Variants in LRBA observed in about 807,000 individuals in gnomAD.
LRBA encodes lipopolysaccharide-responsive and beige-like anchor protein.
LRBA carries 176 observed loss-of-function variants against 330.0 expected under a neutral mutation model. The ratio of observed to expected loss-of-function variants is 0.53; its 90% CI spans 0.47 to 0.60. The LOEUF is 0.60. Among genes scored for constraint, LRBA ranks in the 20% least tolerant of loss-of-function variants. LRBA has a pLI of 0.00. For missense variants in LRBA, 3,259 were observed against 3,444.8 expected (o/e 0.95, Z 1.35); for synonymous variants, 1,230 against 1,193.0 (o/e 1.03, Z -0.64).
intron 37 of LRBA, among the ~76,000 whole-genome samples, chr4:150,653,725 T>C (rs757797852): frequency 6.6e-6 from 1 of 152,240 alleles, no homozygotes; most frequent in African/African-American, 2.4e-5. Context: ...GGGTTTTCGC[T>C]TCTCGATTTT....
intron 47 of LRBA, among the ~76,000 whole-genome samples, chr4:150,384,376 A>C (rs1211771258): frequency 2.6e-5 from 4 of 152,134 alleles, no homozygotes; most frequent in Non-Finnish European, 5.9e-5. Flanking sequence ...AGGTTGTGAA[A>C]CTGATAAATA....
intron 17 of LRBA, among the ~76,000 whole-genome samples, chr4:150,874,108 GT>G (rs986948806): frequency 6.6e-6 from 1 of 152,034 alleles, no homozygotes; most frequent in African/African-American, 2.4e-5. Flanking sequence ...AGTTTTTTGA[GT>G]TTTTTTCCCC....
At chr4:150,921,960 T>C (rs540828547) in intron 4 of LRBA, among the ~76,000 whole-genome samples, 167 of 152,238 alleles carry the variant, frequency 1.1e-3, no homozygotes, top group Non-Finnish European at 1.7e-3. Flanking sequence ...CAACCTCAGG[T>C]GATCCACCTG....
At chr4:150,479,331 C>G (rs749268837) in intron 42 of LRBA, among the ~76,000 whole-genome samples, 20 of 151,936 alleles carry the variant, frequency 1.3e-4, no homozygotes, top group Non-Finnish European at 2.5e-4. Context: ...CAGAACATTC[C>G]CAGGTATGAA....
intron 40 of LRBA, among the ~76,000 whole-genome samples, chr4:150,529,066 G>A (rs1235670523): frequency 6.6e-6 from 1 of 152,118 alleles, no homozygotes; most frequent in Non-Finnish European, 1.5e-5. Context: ...CATGTCACCA[G>A]GACTTATGGG....
intron 30 of LRBA, among the ~76,000 whole-genome samples, chr4:150,824,838 G>A (rs1346467912): frequency 6.6e-6 from 1 of 151,854 alleles, no homozygotes; most frequent in Non-Finnish European, 1.5e-5. Flanking sequence ...GCAGTGGCAT[G>A]AACACAGCTC....
At chr4:151,012,804 ATTTC>A (rs1400556476) in intron 2 of LRBA, 1 of 144,386 alleles carries the variant, frequency 6.9e-6, no homozygotes, top group Admixed American at 7.1e-5. Flanking sequence ...AAGTAAGTGA[ATTTC>A]TTTTTTTTTT....
intron 48 of LRBA, among the ~76,000 whole-genome samples, chr4:150,342,640 CT>C (rs1437855279): frequency 6.6e-6 from 1 of 152,118 alleles, no homozygotes; most frequent in Admixed American, 6.6e-5. Context: ...TCGTTTAGTG[CT>C]CTTTTTATAG....
At chr4:150,470,871 ACACAC>A (rs1392027685) in intron 43 of LRBA, among the ~76,000 whole-genome samples, 10 of 121,288 alleles carry the variant, frequency 8.2e-5, no homozygotes, top group Admixed American at 2.7e-4. Flanking sequence ...ACACACACAC[ACACAC>A]CACACACTAA....
intron 56 of LRBA, among the ~76,000 whole-genome samples, chr4:150,272,164 C>A (rs982775676): frequency 6.6e-6 from 1 of 152,180 alleles, no homozygotes; most frequent in African/African-American, 2.4e-5. Context: ...GTAGCCTCCA[C>A]TGGTGATACC....
At chr4:151,009,651 G>C (rs1041730400) in intron 2 of LRBA, among the ~76,000 whole-genome samples, 9 of 152,036 alleles carry the variant, frequency 5.9e-5, no homozygotes, top group Admixed American at 5.9e-4. Context: ...GGAATTTGAG[G>C]CTACAGTGAG....
At chr4:150,401,413 A>T (rs1396374615) in intron 47 of LRBA, among the ~76,000 whole-genome samples, 1 of 152,204 alleles carries the variant, frequency 6.6e-6, no homozygotes, top group Non-Finnish European at 1.5e-5. Flanking sequence ...ACTAAATGAC[A>T]TTATCTGAGA....
At chr4:150,901,089 G>C (rs543222724) in intron 13 of LRBA, among the ~76,000 whole-genome samples, 1 of 151,998 alleles carries the variant, frequency 6.6e-6, no homozygotes, top group African/African-American at 2.4e-5. Flanking sequence ...CTTGAGGTCA[G>C]GAGTTTAAAA....
intron 35 of LRBA, among the ~76,000 whole-genome samples, chr4:150,746,808 C>A (rs905875440): frequency 6.6e-6 from 1 of 152,086 alleles, no homozygotes; most frequent in African/African-American, 2.4e-5. Context: ...CTACGCCCGG[C>A]CAAAAGTTGT....
chr4:150,540,449 C>T (rs1167085371), intron 40 of LRBA, among the ~76,000 whole-genome samples: 2 of 152,284 alleles, frequency 1.3e-5, no homozygotes, highest in South Asian at 4.1e-4. Flanking sequence ...CCTGCCTCAG[C>T]CTCTCAAAGT....
chr4:150,793,875 G>C (rs1195641674), intron 34 of LRBA, among the ~76,000 whole-genome samples: 1 of 152,100 alleles, frequency 6.6e-6, no homozygotes, highest in African/African-American at 2.4e-5. Context: ...TACTTTAATG[G>C]ACAAAGCAGA....
rs1432099234 is a variant in LRBA at position 150,849,956 on chromosome 4, T to C, written c.4005-381A>G. ...AATGCCTATAAAATGCTTTTAAACATAACAAGAATCTTACACAAATAAAAA... is the reference window on the plus strand; with the variant it reads ...AATGCCTATAAAATGCTTTTAAACACAACAAGAATCTTACACAAATAAAAA... On this transcript the variant is annotated intron_variant, in intron 24 of 56. Coordinates refer to ENST00000651943, the MANE Select transcript of LRBA (RefSeq NM_001364905.1). Among the ~76,000 whole-genome samples the C allele has an allele frequency of 3.3e-5, 5 of 152,266 alleles. No individual in the cohort carries two copies. In the East Asian group the frequency reaches 9.6e-4, roughly 29 times the overall value.
chr4:150,636,142 C>T lies in LRBA; in HGVS notation c.5922-37011G>A, dbSNP rs374221031. Among the ~76,000 whole-genome samples, 23 of 144,072 alleles carry T rather than the reference C, an allele frequency of 1.6e-4. No individual in the cohort carries two copies. In the South Asian group the frequency reaches 2.9e-3, roughly 18 times the overall value. The allele number at this position is 144,072 out of a possible 152,430, so 94.5% of individuals were successfully genotyped here. Reference sequence around the variant, plus strand: ...GATGTCCATTTTGATCACTTGATGACATGGTACCTACCAAGCTTTTTTTTT... The same window carrying T: ...GATGTCCATTTTGATCACTTGATGATATGGTACCTACCAAGCTTTTTTTTT... On this transcript the variant is annotated intron_variant, in intron 37 of 56. Transcript: ENST00000651943.
intron 46 of LRBA, among the ~76,000 whole-genome samples, chr4:150,429,962 C>T (rs1344943208): frequency 1.3e-5 from 2 of 151,978 alleles, no homozygotes; most frequent in Non-Finnish European, 2.9e-5. Context: ...CCTAACTAAA[C>T]GTGTTTTGGG....
Sources: gnomAD v4.1 joint callset for allele counts (sites outside exome capture counted in the v4.1 genomes callset) on GRCh38, gnomAD v4.1.1 for gene constraint, MANE v1.5 for transcripts, NCBI Gene and HGNC (gene_info 2026-07-23, HGNC 2026-07-21) for gene names.